The following CMTM8 variants were observed in gnomAD, a reference collection of about 807,000 sequenced individuals.
The protein encoded by CMTM8 is CKLF-like MARVEL transmembrane domain-containing protein 8.
A neutral mutation model predicts 18.6 loss-of-function variants in CMTM8; 12 were observed. That is an observed-to-expected ratio of 0.65 (90% CI 0.41 to 1.05). CMTM8 has a LOEUF of 1.05. Ranked by LOEUF, CMTM8 falls within the 50% of genes least tolerant of loss-of-function variation. CMTM8 has a pLI of 0.00. For synonymous variants in CMTM8, 87 were observed against 90.6 expected (o/e 0.96, Z 0.23); for missense variants, 217 against 227.2 (o/e 0.95, Z 0.29).
intron 1 of CMTM8, among the ~76,000 whole-genome samples, chr3:32,337,320 A>G (rs1696407734): frequency 6.6e-6 from 1 of 152,228 alleles, no homozygotes; most frequent in Non-Finnish European, 1.5e-5. Flanking sequence ...GCATCTGACC[A>G]CAGACAACAC....
intron 1 of CMTM8, among the ~76,000 whole-genome samples, chr3:32,258,603 A>G (rs1702206227): frequency 6.6e-6 from 1 of 152,052 alleles, no homozygotes; most frequent in South Asian, 2.1e-4. Flanking sequence ...TCGACCTCCC[A>G]GGCTCAAGTG....
intron 1 of CMTM8, among the ~76,000 whole-genome samples, chr3:32,291,582 A>G (rs749816759): frequency 1.1e-4 from 17 of 152,256 alleles, no homozygotes; most frequent in Non-Finnish European, 1.6e-4. Context: ...CCAAAGCTAC[A>G]TAGCTAGAAA....
intron 1 of CMTM8, among the ~76,000 whole-genome samples, chr3:32,270,679 T>C (rs1057369060): frequency 6.6e-6 from 1 of 151,994 alleles, no homozygotes; most frequent in Non-Finnish European, 1.5e-5. Flanking sequence ...GTGAGAACAC[T>C]TGGACACAGG....
In CMTM8 at chr3:32,259,755, A is replaced by T; in HGVS notation, c.147+20636A>T. ...GAGGAGCTGGACAAGTACTGGTCTC[A>T]GCAGATTGAGGAGAGCACCACAGTG... On this transcript the variant is annotated intron_variant, in intron 1 of 3. Transcript: ENST00000307526. 3 of 933,820 alleles carry T rather than the reference A, an allele frequency of 3.2e-6. No homozygotes were observed. The South Asian group carries it at 3.9e-5, about 12-fold the overall frequency. 57.8% of individuals were successfully genotyped at this position (933,820 alleles called of 1,614,324 possible).
At chr3:32,250,731 T>G (rs1460818735) in intron 1 of CMTM8, among the ~76,000 whole-genome samples, 2 of 152,076 alleles carry the variant, frequency 1.3e-5, no homozygotes, top group African/African-American at 4.8e-5. Flanking sequence ...ATTGAGTTCT[T>G]TTTTATTTCT....
intron 1 of CMTM8, among the ~76,000 whole-genome samples, chr3:32,277,987 A>C (rs1290657324): frequency 6.6e-6 from 1 of 152,216 alleles, no homozygotes; most frequent in African/African-American, 2.4e-5. Flanking sequence ...TGACAGTCAA[A>C]GCACTAATTG....
intron 1 of CMTM8, among the ~76,000 whole-genome samples, chr3:32,256,851 G>A (rs527349361): frequency 1.3e-5 from 2 of 152,288 alleles, no homozygotes; most frequent in East Asian, 3.9e-4. Flanking sequence ...GCAGTAAACT[G>A]TAACTTCTAT....
intron 1 of CMTM8, among the ~76,000 whole-genome samples, chr3:32,263,543 C>G (rs142167016): frequency 2.0e-5 from 3 of 152,320 alleles, no homozygotes; most frequent in Admixed American, 1.3e-4. Flanking sequence ...ATCAGAGCGC[C>G]TCTCCTCCTC....
At position 32,367,887 on chromosome 3, in the gene CMTM8, G is replaced by A. The variant is rs114430126; in HGVS notation, c.337G>A (p.Gly113Ser). Residue 113 changes from glycine to serine, a missense_variant, in exon 3 of 4, where the codon GGC (glycine) becomes AGC (serine). Gly to Ser is a moderately conservative substitution (Grantham distance 56). Coordinates refer to ENST00000307526, the MANE Select transcript of CMTM8 (RefSeq NM_178868.5). The stretch of plus-strand genomic sequence containing the variant: ...GTCCCCCCAGGGCCTGTGCTTTAAC[G>A]GCAGTGCCTTCGTCTTGTACCTCTC... ...PWTTVGLCFN[G>S]SAFVLYLSAA... is the part of the protein sequence containing the mutation. The A allele has an allele frequency of 1.2e-3, 1,982 of 1,613,664 alleles. 17 individuals are homozygous for A. The African/African-American group carries it at 0.019, about 15-fold the overall frequency.
chr3:32,340,751 G>A (rs1377685501), intron 1 of CMTM8, among the ~76,000 whole-genome samples: 1 of 152,230 alleles, frequency 6.6e-6, no homozygotes, highest in East Asian at 1.9e-4. Context: ...CAGACAGTGA[G>A]CCGCATGTGG....
chr3:32,272,802 C>T (rs1280346675), intron 1 of CMTM8, among the ~76,000 whole-genome samples: 1 of 152,176 alleles, frequency 6.6e-6, no homozygotes, highest in Admixed American at 6.6e-5. Context: ...GAGTTAATTT[C>T]TTGTCCATCC....
chr3:32,316,066 G>A (rs566096945), intron 1 of CMTM8, among the ~76,000 whole-genome samples: 24 of 109,308 alleles, frequency 2.2e-4, no homozygotes, highest in Admixed American at 1.1e-3. Flanking sequence ...TTGCTCTGTC[G>A]CCCAGGCTGG....
intron 2 of CMTM8, among the ~76,000 whole-genome samples, chr3:32,364,128 T>G (rs575414890): frequency 1.3e-4 from 20 of 152,162 alleles, no homozygotes; most frequent in African/African-American, 3.6e-4. Flanking sequence ...TCCCAGCACT[T>G]TAGGAGTTCA....
intron 1 of CMTM8, among the ~76,000 whole-genome samples, chr3:32,314,589 C>T (rs546342739): frequency 1.3e-5 from 2 of 152,146 alleles, no homozygotes; most frequent in South Asian, 2.1e-4. Flanking sequence ...AATCAATTCT[C>T]ATGCCTCAGC....
intron 1 of CMTM8, among the ~76,000 whole-genome samples, chr3:32,284,682 C>T (rs1415906969): frequency 6.6e-6 from 1 of 152,224 alleles, no homozygotes; most frequent in Non-Finnish European, 1.5e-5. Context: ...CATCTTTGTA[C>T]TCCAGTACCT....
intron 1 of CMTM8, chr3:32,259,371 T>C: frequency 1.2e-6 from 1 of 819,466 alleles, no homozygotes; most frequent in Non-Finnish European, 2.2e-6. Context: ...TCAAATACTG[T>C]GGACAATGCC....
At chr3:32,289,455 C>T (rs1702743611) in intron 1 of CMTM8, among the ~76,000 whole-genome samples, 1 of 152,032 alleles carries the variant, frequency 6.6e-6, no homozygotes, top group Non-Finnish European at 1.5e-5. Context: ...AAGAAGGCTT[C>T]CTGGAGGAGG....
intron 1 of CMTM8, among the ~76,000 whole-genome samples, chr3:32,266,363 ATC>A (rs1445695126): frequency 6.6e-6 from 1 of 152,250 alleles, no homozygotes; most frequent in Non-Finnish European, 1.5e-5. Context: ...CCACATGATT[ATC>A]TCAATAGATG....
In CMTM8 at chr3:32,265,191, A is replaced by G. The variant is rs561003179; in HGVS notation, c.147+26072A>G. Among the ~76,000 whole-genome samples the G allele has an allele frequency of 7.9e-5, 12 of 152,300 alleles. No homozygotes were observed. In the South Asian group the frequency reaches 2.1e-3, roughly 26 times the overall value. On this transcript the variant is annotated intron_variant, in intron 1 of 3. Transcript: ENST00000307526. ...CACCGCACTTACTCCAAAATTGACCACATAGTTGGAAGTAAAGCACTCCTC... is the reference window on the plus strand; with the variant it reads ...CACCGCACTTACTCCAAAATTGACCGCATAGTTGGAAGTAAAGCACTCCTC...
Sources: gnomAD v4.1 joint callset for allele counts (sites outside exome capture counted in the v4.1 genomes callset) on GRCh38, gnomAD v4.1.1 for gene constraint, MANE v1.5 for transcripts, NCBI Gene and HGNC (gene_info 2026-07-23, HGNC 2026-07-21) for gene names.